The following PPP2R5D variants were observed in gnomAD, a reference collection of about 807,000 sequenced individuals.
The protein encoded by PPP2R5D is protein phosphatase 2 regulatory subunit B'delta.
A neutral mutation model predicts 79.1 loss-of-function variants in PPP2R5D; 12 were observed. The ratio of observed to expected loss-of-function variants is 0.15; its 90% CI spans 0.10 to 0.25. PPP2R5D has a LOEUF of 0.25. PPP2R5D is among the 10% of genes least tolerant of loss of function. The probability of loss-of-function intolerance (pLI) is 1.00; values close to 1 mark genes in which losing one functional copy is unlikely to be tolerated. For missense variants in PPP2R5D, 419 were observed against 760.2 expected (o/e 0.55, Z 5.28); for synonymous variants, 277 against 286.6 (o/e 0.97, Z 0.34).
Position 43,011,535 on chromosome 6 carries a change from G to A in PPP2R5D, c.*249G>A, listed in dbSNP as rs1341276933. ...AAGATGCTTAGTGCTCAGACAACCTGGGGATGCCTGTCCCCTACCTGCTCC... is the reference window on the plus strand; with the variant it reads ...AAGATGCTTAGTGCTCAGACAACCTAGGGATGCCTGTCCCCTACCTGCTCC... On this transcript the variant is annotated 3_prime_UTR_variant, in exon 16 of 16. Coordinates refer to ENST00000485511, the MANE Select transcript of PPP2R5D (RefSeq NM_006245.4). The A allele has an allele frequency of 3.7e-6, 2 of 541,388 alleles. No homozygotes were observed. The highest frequency in any genetic ancestry group is 3.8e-5 in the African/African-American group (2 of 52,676). 33.5% of individuals were successfully genotyped at this position (541,388 alleles called of 1,614,324 possible).
intron 2 of PPP2R5D, among the ~76,000 whole-genome samples, chr6:42,996,381 C>CG: frequency 6.6e-6 from 1 of 151,248 alleles, no homozygotes. Context: ...AGGAGAATGG[C>CG]TGAAACTGGG....
At chr6:42,993,079 C>T (rs1771382686) in intron 2 of PPP2R5D, among the ~76,000 whole-genome samples, 1 of 151,850 alleles carries the variant, frequency 6.6e-6, no homozygotes, top group South Asian at 2.1e-4. Context: ...GGTGGATCAC[C>T]TGAGGTCAGG....
At chr6:42,990,699 CTTTTTTTTTT>C (rs70990164) in intron 2 of PPP2R5D, among the ~76,000 whole-genome samples, 3 of 51,596 alleles carry the variant, frequency 5.8e-5, no homozygotes, top group South Asian at 2.2e-3. Context: ...CAGTATTCTA[CTTTTTTTTTT>C]TTTTTTTTTT....
intron 2 of PPP2R5D, among the ~76,000 whole-genome samples, chr6:42,995,426 C>G (rs911726152): frequency 5.3e-5 from 8 of 152,210 alleles, no homozygotes; most frequent in African/African-American, 1.4e-4. Flanking sequence ...AGCCACTGTG[C>G]CCTGCCCAAC....
Position 43,011,608 on chromosome 6 carries a change from C to T in PPP2R5D, c.*322C>T, listed in dbSNP as rs1023300488. 1.5e-5 allele frequency: 6 copies of T among 393,686 alleles called. No homozygotes were observed. Among genetic ancestry groups the T allele is most frequent in the Non-Finnish European group, 2.8e-5 (6 of 213,744 alleles). The allele number at this position is 393,686 out of a possible 1,614,324, so 24.4% of individuals were successfully genotyped here. On this transcript the variant is annotated 3_prime_UTR_variant, in exon 16 of 16. Coordinates refer to ENST00000485511, the MANE Select transcript of PPP2R5D (RefSeq NM_006245.4). ...GCTCTGAGAAGTACACACAGGAATA[C>T]ATACGCTCCTCTATTCTTCCCTTCA...
Position 43,007,837 on chromosome 6 carries a change from G to A in PPP2R5D, c.727-98G>A. The stretch of plus-strand genomic sequence containing the variant: ...AAGACTTGCTGGCCCCCACTCCAGG[G>A]GACCTCTGCATTTCCCCTGGCGGGA... On this transcript the variant is annotated intron_variant, in intron 6 of 15. Coordinates refer to ENST00000485511, the MANE Select transcript of PPP2R5D (RefSeq NM_006245.4). The surrounding 1 kb of genome is among the most constrained non-coding windows in gnomAD (Gnocchi z 4.5). 6.7e-7 allele frequency: 1 copy of A among 1,489,208 alleles called. No homozygotes were observed. The allele number at this position is 1,489,208 out of a possible 1,614,324, so 92.2% of individuals were successfully genotyped here. A position where few individuals can be genotyped will look rare whatever the true frequency, so the allele number is the denominator to read the frequency against.
chr6:42,993,956 A>G (rs1771455482), intron 2 of PPP2R5D, among the ~76,000 whole-genome samples: 1 of 152,130 alleles, frequency 6.6e-6, no homozygotes, highest in African/African-American at 2.4e-5. Flanking sequence ...AACCTTCACA[A>G]TACTCCCCTG....
rs375224886 is a variant in PPP2R5D at position 43,006,730 on chromosome 6, G to A, written c.322+51G>A. On this transcript the variant is annotated intron_variant, in intron 3 of 15. Coordinates refer to ENST00000485511, the MANE Select transcript of PPP2R5D (RefSeq NM_006245.4). This position sits in a 1 kb window ranked among gnomAD's most constrained non-coding sequence, Gnocchi z 4.7. ...TGTTTTACCAGTTCTAGTGGGCATC[G>A]GGAGTTGGTGGAATGGAAGTTTTGG... 8.4e-5 allele frequency: 134 copies of A among 1,593,032 alleles called. No homozygotes were observed. Among genetic ancestry groups the A allele is most frequent in the African/African-American group, 6.5e-4 (48 of 74,404 alleles).
At chr6:43,004,521 T>C (rs1462918987) in intron 2 of PPP2R5D, among the ~76,000 whole-genome samples, 1 of 151,784 alleles carries the variant, frequency 6.6e-6, no homozygotes, top group African/African-American at 2.4e-5. Flanking sequence ...ATTCTTTTCC[T>C]ACTTTAGATT....
chr6:42,992,365 C>T (rs1771332628), intron 2 of PPP2R5D, among the ~76,000 whole-genome samples: 1 of 152,124 alleles, frequency 6.6e-6, no homozygotes. Flanking sequence ...GGCCCCCTTG[C>T]CCTTTTCTTG....
chr6:42,996,995 A>C lies in PPP2R5D; in HGVS notation c.105+7307A>C, dbSNP rs946030199. ...TCTATAGTGCTTAAATTATATTGTT[A>C]TCTCTTTGTTTTTTTATGTATTTAT... is the stretch of plus-strand genomic sequence containing the variant. On this transcript the variant is annotated intron_variant, in intron 2 of 15. Coordinates refer to ENST00000485511, the MANE Select transcript of PPP2R5D (RefSeq NM_006245.4). 1.5e-4 allele frequency among the ~76,000 whole-genome samples: 22 copies of C among 151,634 alleles called. No homozygotes were observed. In the South Asian group the frequency reaches 4.2e-3, roughly 29 times the overall value.
chr6:43,007,932 C>T lies in PPP2R5D; in HGVS notation c.727-3C>T, dbSNP rs1474032238. 1 of 1,613,972 alleles carries T rather than the reference C, an allele frequency of 6.2e-7. No homozygotes were observed. The highest frequency in any genetic ancestry group is 1.3e-5 in the African/African-American group (1 of 74,930). On this transcript the variant is annotated splice_region_variant and splice_polypyrimidine_tract_variant and intron_variant, in intron 6 of 15. Coordinates refer to ENST00000485511, the MANE Select transcript of PPP2R5D (RefSeq NM_006245.4). This position sits in a 1 kb window ranked among gnomAD's most constrained non-coding sequence, Gnocchi z 4.5. ...GGCTGCTTTCCCTCCCTTGTACCCC[C>T]AGCTCCTAGACCTATTTGACAGTGA...
At position 42,995,126 on chromosome 6, in the gene PPP2R5D, C is replaced by CTTTTTTTTTTTTTTT. The variant is rs889250251; in HGVS notation, c.105+5445_105+5459dup. 2.1e-3 allele frequency among the ~76,000 whole-genome samples: 223 copies of CTTTTTTTTTTTTTTT among 106,328 alleles called. 15 individuals carry two copies. The highest frequency in any genetic ancestry group is 0.014 in the East Asian group (50 of 3,460). The allele number at this position is 106,328 out of a possible 152,430, so 69.8% of individuals were successfully genotyped here. On this transcript the variant is annotated intron_variant, in intron 2 of 15. Transcript: ENST00000485511. Reference sequence around the variant, plus strand: ...TTGTGTCCCACCGAACTTTTTCTTTCTTTTTTTTTTTTTTTTTTTTTGGAG... The same window carrying CTTTTTTTTTTTTTTT: ...TTGTGTCCCACCGAACTTTTTCTTTCTTTTTTTTTTTTTTTTTTTTTTTTTTTTTTTTTTTTGGAG...
chr6:42,998,116 C>G lies in PPP2R5D; in HGVS notation c.106-8347C>G, dbSNP rs187313152. ...TTGAGACGGAGTCTCACTCTGTCAC[C>G]CGGGCTGGAGTGCAGTGGTGTGATG... On this transcript the variant is annotated intron_variant, in intron 2 of 15. Transcript: ENST00000485511. 4.6e-3 allele frequency among the ~76,000 whole-genome samples: 513 copies of G among 111,336 alleles called. 6 individuals are homozygous for G. The highest frequency in any genetic ancestry group is 0.017 in the African/African-American group (481 of 28,574). The allele number at this position is 111,336 out of a possible 152,430, so 73.0% of individuals were successfully genotyped here.
At position 42,984,651 on chromosome 6, in the gene PPP2R5D, A is replaced by AGACGGGCCGGGTCCG; in HGVS notation, c.-17_-3dup. 1.3e-6 allele frequency: 2 copies of AGACGGGCCGGGTCCG among 1,592,958 alleles called. No individual in the cohort carries two copies. Among genetic ancestry groups the AGACGGGCCGGGTCCG allele is most frequent in the Non-Finnish European group, 8.5e-7 (1 of 1,171,344 alleles). ...GCCGGAGCCGGAGCGGGGCCGCAGG[A>AGACGGGCCGGGTCCG]GACGGGCCGGGTCCGGACGGGCCGA... On this transcript the variant is annotated 5_prime_UTR_variant, in exon 1 of 16. Transcript: ENST00000485511.
At chr6:42,999,243 C>T (rs959829500) in intron 2 of PPP2R5D, among the ~76,000 whole-genome samples, 1 of 152,150 alleles carries the variant, frequency 6.6e-6, no homozygotes, top group Non-Finnish European at 1.5e-5. Flanking sequence ...TGGTTGAATG[C>T]CCATGAGTAG....
In PPP2R5D at chr6:43,012,108, A is replaced by G. The variant is rs1581865968; in HGVS notation, c.*822A>G. 1 of 733,820 alleles carries G rather than the reference A, an allele frequency of 1.4e-6. No individual in the cohort carries two copies. Among genetic ancestry groups the G allele is most frequent in the Non-Finnish European group, 1.7e-6 (1 of 595,472 alleles). The allele number at this position is 733,820 out of a possible 1,614,324, so 45.5% of individuals were successfully genotyped here. A position where few individuals can be genotyped will look rare whatever the true frequency, so the allele number is the denominator to read the frequency against. On this transcript the variant is annotated 3_prime_UTR_variant, in exon 16 of 16. Transcript: ENST00000485511. ...CCAAGCATGGCTCCTGCCAACACCTATTTATTTCCTTGTTTGTGCTATGCT... is the reference window on the plus strand; with the variant it reads ...CCAAGCATGGCTCCTGCCAACACCTGTTTATTTCCTTGTTTGTGCTATGCT...
Position 43,008,325 on chromosome 6 carries a change from G to A in PPP2R5D, c.918-42G>A, listed in dbSNP as rs768307179. ...TGGCAGGATTGGTGTACTGAACTTG[G>A]ATCTGACCCTCTGGTCCTAACAAAT... On this transcript the variant is annotated intron_variant, in intron 8 of 15. Coordinates refer to ENST00000485511, the MANE Select transcript of PPP2R5D (RefSeq NM_006245.4). The surrounding 1 kb of genome is among the most constrained non-coding windows in gnomAD (Gnocchi z 4.2). 1.4e-5 allele frequency: 22 copies of A among 1,613,336 alleles called. No homozygotes were observed. The highest frequency in any genetic ancestry group is 1.3e-5 in the Non-Finnish European group (15 of 1,179,400).
At chr6:43,002,557 C>T (rs75772979) in intron 2 of PPP2R5D, among the ~76,000 whole-genome samples, 4,218 of 152,090 alleles carry the variant, frequency 0.028, 182 homozygotes, top group African/African-American at 0.094. Context: ...TCTCTTACTA[C>T]CACTTCCCCC....
Sources: allele counts gnomAD v4.1 joint callset (sites outside exome capture counted in the v4.1 genomes callset), GRCh38; gene constraint gnomAD v4.1.1; non-coding constraint Gnocchi (gnomAD v3.1); transcripts MANE v1.5; gene names NCBI Gene and HGNC (gene_info 2026-07-23, HGNC 2026-07-21).